Variants in TTC28 observed in about 807,000 individuals in gnomAD.
TTC28 encodes the protein tetratricopeptide repeat protein 28.
Under a neutral mutation model 198.0 loss-of-function variants are expected in TTC28, and 61 were observed. The ratio of observed to expected loss-of-function variants is 0.31; its 90% CI spans 0.25 to 0.38. The LOEUF (loss-of-function observed/expected upper bound fraction) is 0.38, where lower values mean the gene tolerates loss of function less well. Ranked by LOEUF, TTC28 falls within the 10% of genes least tolerant of loss-of-function variation. TTC28 has a pLI of 1.00. For synonymous variants in TTC28, 1,171 were observed against 1,297.8 expected, an observed-to-expected ratio of 0.90 and a Z score of 2.10; for missense variants, 2,678 against 3,164.0, an observed-to-expected ratio of 0.85 and a Z score of 3.69.
At chr22:28,159,209 C>T (rs990619573) in intron 6 of TTC28, among the ~76,000 whole-genome samples, 5 of 152,224 alleles carry the variant, frequency 3.3e-5, no homozygotes, top group Admixed American at 6.5e-5. Context: ...TATCATCTCA[C>T]TCCAGCTAAA....
chr22:28,540,771 C>T (rs1270654638), intron 2 of TTC28, among the ~76,000 whole-genome samples: 1 of 152,132 alleles, frequency 6.6e-6, no homozygotes, highest in Admixed American at 6.6e-5. Flanking sequence ...CAGAGTAAGA[C>T]TTCAGATCTT....
chr22:28,292,151 C>A (rs951551000), intron 5 of TTC28, among the ~76,000 whole-genome samples: 12 of 151,658 alleles, frequency 7.9e-5, no homozygotes, highest in Non-Finnish European at 4.4e-5. Flanking sequence ...TAGTTATTTT[C>A]ATGTAATTGT....
Position 28,509,759 on chromosome 22 carries a change from T to A in TTC28, c.381+119793A>T, listed in dbSNP as rs572931179. 7.3e-5 allele frequency among the ~76,000 whole-genome samples: 11 copies of A among 151,672 alleles called. No homozygotes were observed. The South Asian group carries it at 1.9e-3, about 26-fold the overall frequency. ...AATGAATTCACAAGCTGTTTTTTTT[T>A]AAATAATAAAATAGATGACCGAAAG... is the stretch of plus-strand genomic sequence containing the variant. On this transcript the variant is annotated intron_variant, in intron 2 of 22. Transcript: ENST00000397906.
intron 13 of TTC28, among the ~76,000 whole-genome samples, chr22:28,023,641 G>A (rs1019160227): frequency 6.6e-6 from 1 of 152,220 alleles, no homozygotes; most frequent in Admixed American, 6.5e-5. Flanking sequence ...TTCCAGAGCT[G>A]GATTAGTCAG....
At chr22:28,635,880 A>G (rs1377900322) in intron 1 of TTC28, among the ~76,000 whole-genome samples, 1 of 152,110 alleles carries the variant, frequency 6.6e-6, no homozygotes, top group Non-Finnish European at 1.5e-5. Context: ...TACAGTCACC[A>G]TGCTGTATAC....
chr22:28,460,575 C>T (rs931065919), intron 2 of TTC28, among the ~76,000 whole-genome samples: 6 of 150,576 alleles, frequency 4.0e-5, no homozygotes, highest in Admixed American at 6.6e-5. Flanking sequence ...TATGTATGTA[C>T]ATACATATAA....
At chr22:28,578,238 A>C (rs1222810598) in intron 2 of TTC28, among the ~76,000 whole-genome samples, 1 of 152,188 alleles carries the variant, frequency 6.6e-6, no homozygotes, top group Non-Finnish European at 1.5e-5. Flanking sequence ...AAATAAGCAA[A>C]GAGAAAACTA....
chr22:28,163,470 G>A lies in TTC28; in HGVS notation c.1063C>T (p.Arg355Ter), dbSNP rs771969557. Residue 355 changes from arginine to a stop codon, truncating the protein, a stop_gained, in exon 6 of 23, where the codon CGA becomes TGA. Transcript: ENST00000397906. LOFTEE classifies it high-confidence loss of function. ...ACAGCTCCCATGTTGCCAAGTTCTC[G>A]GGCTTCAGAAAGTTCATCTTTGGAT... ...KQSKDELSEA[R>*]ELGNMGAVYI... 5 of 1,551,570 alleles carry A rather than the reference G, an allele frequency of 3.2e-6. No homozygotes were observed. The highest frequency in any genetic ancestry group is 1.2e-5 in the South Asian group (1 of 84,062).
At chr22:28,111,909 C>T (rs1942491050) in intron 6 of TTC28, among the ~76,000 whole-genome samples, 1 of 152,076 alleles carries the variant, frequency 6.6e-6, no homozygotes, top group African/African-American at 2.4e-5. Flanking sequence ...TTGGACGCTC[C>T]CCACTTCTCC....
chr22:28,381,723 A>G (rs1029580999), intron 2 of TTC28, among the ~76,000 whole-genome samples: 3 of 152,178 alleles, frequency 2.0e-5, no homozygotes, highest in Non-Finnish European at 2.9e-5. Context: ...ACCAACTCCA[A>G]TTCTCTTAAG....
chr22:28,419,933 C>A (rs2047222310), intron 2 of TTC28, among the ~76,000 whole-genome samples: 1 of 152,172 alleles, frequency 6.6e-6, no homozygotes, highest in South Asian at 2.1e-4. Flanking sequence ...ATCTTGAAAT[C>A]CATATTACAG....
chr22:28,025,874 C>T (rs548419166), intron 13 of TTC28, among the ~76,000 whole-genome samples: 51 of 152,072 alleles, frequency 3.4e-4, no homozygotes, highest in African/African-American at 1.2e-3. Flanking sequence ...TGTCTCTAAA[C>T]AAAAAAAGAA....
intron 11 of TTC28, 140 bp from the exon 12 acceptor site, chr22:28,094,385 T>C: frequency 9.9e-7 from 1 of 1,010,976 alleles, no homozygotes; most frequent in Non-Finnish European, 1.4e-6. Flanking sequence ...CAAAAAATCC[T>C]GAAATCCAAG....
chr22:28,143,633 A>C (rs1466820391), intron 6 of TTC28, among the ~76,000 whole-genome samples: 1 of 152,168 alleles, frequency 6.6e-6, no homozygotes, highest in Non-Finnish European at 1.5e-5. Flanking sequence ...AGCGTGAGGG[A>C]GGGGCCAAGG....
intron 2 of TTC28, among the ~76,000 whole-genome samples, chr22:28,588,809 G>A (rs1220712765): frequency 6.6e-6 from 1 of 152,088 alleles, no homozygotes; most frequent in Non-Finnish European, 1.5e-5. Context: ...CTACTTTGCT[G>A]GTTATCCACA....
At chr22:28,487,285 A>T (rs1179721653) in intron 2 of TTC28, among the ~76,000 whole-genome samples, 1 of 152,040 alleles carries the variant, frequency 6.6e-6, no homozygotes, top group Non-Finnish European at 1.5e-5. Context: ...ACTGGATATT[A>T]TAAAAATATC....
intron 5 of TTC28, among the ~76,000 whole-genome samples, chr22:28,167,703 C>G (rs1345803265): frequency 6.6e-6 from 1 of 152,194 alleles, no homozygotes; most frequent in Admixed American, 6.5e-5. Flanking sequence ...GGCAAACCCA[C>G]AGCCAATATC....
In TTC28 at chr22:28,422,677, C is replaced by T. The variant is rs558667864; in HGVS notation, c.382-116034G>A. Among the ~76,000 whole-genome samples, 29 of 152,126 alleles carry T rather than the reference C, an allele frequency of 1.9e-4. 1 individual carries two copies. In the South Asian group the frequency reaches 6.0e-3, roughly 32 times the overall value. ...AGCCAAGATGGTCTCGATCTCCCGA[C>T]CTCACGATTCACCCACCTCGGCCTC... On this transcript the variant is annotated intron_variant, in intron 2 of 22. Coordinates refer to ENST00000397906, the MANE Select transcript of TTC28 (RefSeq NM_001145418.2).
At chr22:28,007,668 G>A (rs1338709850) in intron 14 of TTC28, 1 of 152,226 alleles carries the variant, frequency 6.6e-6, no homozygotes, top group East Asian at 1.9e-4. Flanking sequence ...TCCACCCCTA[G>A]TGGCAGAAGA....
Sources: gnomAD v4.1 joint callset for allele counts (sites outside exome capture counted in the v4.1 genomes callset) on GRCh38, gnomAD v4.1.1 for gene constraint, MANE v1.5 for transcripts, NCBI Gene and HGNC (gene_info 2026-07-23, HGNC 2026-07-21) for gene names.